The following ENTPD4 variants were observed in gnomAD, a reference collection of about 807,000 sequenced individuals.
ENTPD4 encodes Golgi UDPase.
Under a neutral mutation model 79.1 loss-of-function variants are expected in ENTPD4, and 60 were observed. The ratio of observed to expected loss-of-function variants is 0.76; its 90% CI spans 0.62 to 0.94. ENTPD4 has a LOEUF of 0.94. ENTPD4 is among the 40% of genes least tolerant of loss of function. ENTPD4 has a pLI of 0.00. For missense variants in ENTPD4, 772 were observed against 775.1 expected (o/e 1.00, Z 0.05); for synonymous variants, 276 against 292.0 (o/e 0.95, Z 0.56).
At position 23,432,996 on chromosome 8, in the gene ENTPD4, C is replaced by G. The variant is rs755651058; in HGVS notation, c.1781G>C (p.Arg594Pro). ...CCAGAGGGCGGCGGCCGAGCTGCTC[C>G]GGGGAGTGCGCCTGTGGATGCGCCG... is the stretch of plus-strand genomic sequence containing the variant. ...RLRRIHRRTPRSSSAAALWME... is the reference protein window; with the variant it reads ...RLRRIHRRTPPSSSAAALWME... Residue 594 changes from arginine to proline, a missense_variant, in exon 13 of 13, where the codon CGG (arginine) becomes CCG (proline). Physicochemically the swap from Arg to Pro is moderately radical, Grantham distance 103 (BLOSUM62 -2). Coordinates refer to ENST00000358689, the MANE Select transcript of ENTPD4 (RefSeq NM_004901.5). The G allele has an allele frequency of 6.2e-7, 1 of 1,613,714 alleles. No individual in the cohort carries two copies. Among genetic ancestry groups the G allele is most frequent in the Non-Finnish European group, 8.5e-7 (1 of 1,179,880 alleles).
chr8:23,435,650 C>T (rs1376535681), intron 10 of ENTPD4, among the ~76,000 whole-genome samples, 173 bp from the exon 11 acceptor site: 1 of 152,220 alleles, frequency 6.6e-6, no homozygotes, highest in Non-Finnish European at 1.5e-5. Context: ...GGAATACTTA[C>T]TGATTCGCAA....
intron 8 of ENTPD4, 97 bp downstream of exon 8, chr8:23,441,472 T>C: frequency 6.5e-7 from 1 of 1,547,154 alleles, no homozygotes; most frequent in East Asian, 2.3e-5. Context: ...GCCAGCACAG[T>C]AAAGATGTGT....
chr8:23,455,770 G>T (rs1186900945), intron 1 of ENTPD4, among the ~76,000 whole-genome samples: 1 of 152,220 alleles, frequency 6.6e-6, no homozygotes, highest in East Asian at 1.9e-4. Flanking sequence ...TCCAACTCTA[G>T]GGTTGAAATC....
chr8:23,441,450 G>A, intron 8 of ENTPD4, 119 bp downstream of exon 8: 7 of 1,504,906 alleles, frequency 4.7e-6, no homozygotes, highest in African/African-American at 1.4e-5. Flanking sequence ...TGGGTTGAGA[G>A]GCGGCACCTC....
intron 1 of ENTPD4, among the ~76,000 whole-genome samples, chr8:23,457,051 C>G (rs1273567358): frequency 6.6e-6 from 1 of 152,234 alleles, no homozygotes; most frequent in African/African-American, 2.4e-5. Flanking sequence ...GCGCATTACT[C>G]AAGTTCAGAA....
chr8:23,434,955 G>A (rs1198209684), intron 11 of ENTPD4, among the ~76,000 whole-genome samples: 1 of 152,214 alleles, frequency 6.6e-6, no homozygotes, highest in African/African-American at 2.4e-5. Context: ...GTAAGATACA[G>A]TGTCTGCACT....
At chr8:23,433,690 T>C (rs891110646) in intron 12 of ENTPD4, among the ~76,000 whole-genome samples, 6 of 152,222 alleles carry the variant, frequency 3.9e-5, no homozygotes, top group African/African-American at 7.2e-5. Flanking sequence ...TCTTTGACCA[T>C]GAATGCAGAC....
At chr8:23,456,951 C>G (rs1800969251) in intron 1 of ENTPD4, among the ~76,000 whole-genome samples, 1 of 152,208 alleles carries the variant, frequency 6.6e-6, no homozygotes, top group Non-Finnish European at 1.5e-5. Flanking sequence ...ACGCTCTGCA[C>G]TAGGGTTCAT....
intron 6 of ENTPD4, 152 bp downstream of exon 6, chr8:23,443,698 C>A: frequency 1.8e-6 from 1 of 551,322 alleles, no homozygotes. Context: ...ATATAAGAAA[C>A]TGATTTAGTA....
Position 23,448,920 on chromosome 8 carries a change from A to C in ENTPD4, c.28T>G (p.Phe10Val). 6.2e-7 allele frequency: 1 copy of C among 1,613,960 alleles called. No individual in the cohort carries two copies. The highest frequency in any genetic ancestry group is 8.5e-7 in the Non-Finnish European group (1 of 1,179,908). Residue 10 changes from phenylalanine (F) to valine (V), a missense_variant, in exon 3 of 13, where the codon TTT becomes GTT. Coordinates refer to ENST00000358689, the MANE Select transcript of ENTPD4 (RefSeq NM_004901.5). ...ATGCTAAAATGCCAAGAAGCAGGAAAAAGACAGGAGATGCCAATCCTGAAA... is the reference window on the plus strand; with the variant it reads ...ATGCTAAAATGCCAAGAAGCAGGAACAAGACAGGAGATGCCAATCCTGAAA... MGRIGISCL[F>V]PASWHFSISP... is the part of the protein sequence containing the mutation.
chr8:23,455,823 C>T (rs1800948002), intron 1 of ENTPD4, among the ~76,000 whole-genome samples: 1 of 152,202 alleles, frequency 6.6e-6, no homozygotes, highest in Non-Finnish European at 1.5e-5. Context: ...TTCTCCAGGT[C>T]TAAGACGGGT....
At chr8:23,437,397 T>C in intron 9 of ENTPD4, 139 bp from the exon 10 acceptor site, 1 of 633,370 alleles carries the variant, frequency 1.6e-6, no homozygotes, top group East Asian at 2.8e-5. Context: ...CAGAAAAGGG[T>C]TCCGAGATAA....
intron 3 of ENTPD4, 43 bp downstream of exon 3, chr8:23,448,699 G>C: frequency 6.5e-7 from 1 of 1,529,182 alleles, no homozygotes; most frequent in Non-Finnish European, 9.0e-7. Flanking sequence ...TAAGACAGAA[G>C]GTAAGGCTTC....
chr8:23,448,813 T>C lies in ENTPD4; in HGVS notation c.135A>G (p.Ser45=). The change falls in exon 3 of 13, where the codon TCA becomes TCG. Residue 45 remains serine (S), a synonymous_variant. Transcript: ENST00000358689. ...MVISVLAAAV[S]LLYFSVVIIR... Reference sequence around the variant, plus strand: ...TTATGACAACAGAAAAATATAAAAGTGAAACAGCAGCAGCCAGGACACTAA... The same window carrying C: ...TTATGACAACAGAAAAATATAAAAGCGAAACAGCAGCAGCCAGGACACTAA... The C allele has an allele frequency of 6.2e-7, 1 of 1,613,964 alleles. No homozygotes were observed. Among genetic ancestry groups the C allele is most frequent in the Non-Finnish European group, 8.5e-7 (1 of 1,179,970 alleles).
chr8:23,441,542 C>T (rs1296720502), intron 8 of ENTPD4, 27 bp downstream of exon 8: 2 of 1,604,610 alleles, frequency 1.2e-6, no homozygotes, highest in Non-Finnish European at 1.7e-6. Context: ...CCAAACCAAA[C>T]AGAAGGAAAT....
intron 6 of ENTPD4, among the ~76,000 whole-genome samples, chr8:23,443,206 A>G (rs1441067690): frequency 6.6e-6 from 1 of 151,876 alleles, no homozygotes; most frequent in Non-Finnish European, 1.5e-5. Flanking sequence ...AACTCCTGTG[A>G]TATTTTTTCC....
chr8:23,430,959 G>A lies in ENTPD4; in HGVS notation c.*1967C>T. The A allele has an allele frequency of 3.0e-6, 3 of 985,466 alleles. No individual in the cohort carries two copies. Among genetic ancestry groups the A allele is most frequent in the African/African-American group, 1.7e-5 (1 of 57,370 alleles). The allele number at this position is 985,466 out of a possible 1,614,324, so 61.0% of individuals were successfully genotyped here. A position where few individuals can be genotyped will look rare whatever the true frequency, so the allele number is the denominator to read the frequency against. On this transcript the variant is annotated 3_prime_UTR_variant, in exon 13 of 13. Coordinates refer to ENST00000358689, the MANE Select transcript of ENTPD4 (RefSeq NM_004901.5). Reference sequence around the variant, plus strand: ...TTTGACCACGAAGCGCAAATACGATGCAGGTAAATCCAGAGGCAGAGCCTG... The same window carrying A: ...TTTGACCACGAAGCGCAAATACGATACAGGTAAATCCAGAGGCAGAGCCTG...
At chr8:23,446,015 T>C (rs1007836628) in intron 4 of ENTPD4, among the ~76,000 whole-genome samples, 1 of 152,238 alleles carries the variant, frequency 6.6e-6, no homozygotes, top group Admixed American at 6.5e-5. Context: ...CTGTAAGTTT[T>C]TGACAACACA....
At chr8:23,442,282 G>T (rs112122425) in intron 6 of ENTPD4, among the ~76,000 whole-genome samples, 138 of 152,260 alleles carry the variant, frequency 9.1e-4, no homozygotes, top group African/African-American at 3.2e-3. Flanking sequence ...CATCTACACA[G>T]GTTGGAAATA....
Sources: allele counts gnomAD v4.1 joint callset (sites outside exome capture counted in the v4.1 genomes callset), GRCh38; gene constraint gnomAD v4.1.1; transcripts MANE v1.5; gene names NCBI Gene and HGNC (gene_info 2026-07-23, HGNC 2026-07-21).